The following UGT1A8 variants were observed in gnomAD, a reference collection of about 807,000 sequenced individuals.
The protein encoded by UGT1A8 is UDP glucuronosyltransferase family 1 member A8, also known as UDP-glucuronosyltransferase 1A8.
In UGT1A8, 39 loss-of-function variants were observed where a neutral mutation model predicts 45.3. That is an observed-to-expected ratio of 0.86 (90% CI 0.67 to 1.12). UGT1A8 has a LOEUF of 1.12. Among genes scored for constraint, UGT1A8 ranks in the 50% most tolerant of loss-of-function variants. The pLI is 0.00. For synonymous variants in UGT1A8, 275 were observed against 249.2 expected, an observed-to-expected ratio of 1.10 and a Z score of -0.97; for missense variants, 719 against 664.9, an observed-to-expected ratio of 1.08 and a Z score of -0.90.
At chr2:233,658,438 A>T (rs1436421851) in intron 1 of UGT1A8, among the ~76,000 whole-genome samples, 1 of 152,118 alleles carries the variant, frequency 6.6e-6, no homozygotes, top group African/African-American at 2.4e-5. Context: ...TTTTTACCTA[A>T]TGTCCTTTTT....
At chr2:233,624,972 T>G (rs542762160) in intron 1 of UGT1A8, among the ~76,000 whole-genome samples, 2 of 152,112 alleles carry the variant, frequency 1.3e-5, no homozygotes, top group Non-Finnish European at 2.9e-5. Context: ...AATGTGGGAA[T>G]GAAGGGGACC....
At chr2:233,721,019 A>AAT (rs1377693832) in intron 1 of UGT1A8, among the ~76,000 whole-genome samples, 6 of 152,098 alleles carry the variant, frequency 3.9e-5, no homozygotes, top group Non-Finnish European at 8.8e-5. Context: ...TGAGGGAGCC[A>AAT]TCTTTCTTGT....
chr2:233,766,292 T>C (rs1426642271), intron 1 of UGT1A8, among the ~76,000 whole-genome samples: 2 of 147,940 alleles, frequency 1.4e-5, no homozygotes, highest in African/African-American at 5.0e-5. Context: ...CTCGGTGGCC[T>C]GGGCTCTCCT....
intron 1 of UGT1A8, among the ~76,000 whole-genome samples, chr2:233,764,720 G>A (rs1488683607): frequency 6.6e-6 from 1 of 152,208 alleles, no homozygotes; most frequent in African/African-American, 2.4e-5. Flanking sequence ...CCCCAAGAAA[G>A]AGGGAGAGAA....
intron 1 of UGT1A8, 98 bp from the exon 2 acceptor site, chr2:233,766,936 A>G: frequency 1.1e-5 from 18 of 1,586,086 alleles, no homozygotes; most frequent in Non-Finnish European, 1.5e-5. Context: ...GCCTTTAATC[A>G]TAGTCTTAAG....
chr2:233,690,317 C>T (rs956358462), intron 1 of UGT1A8, among the ~76,000 whole-genome samples: 2 of 152,128 alleles, frequency 1.3e-5, no homozygotes, highest in Non-Finnish European at 2.9e-5. Context: ...ACTTATGGGT[C>T]GTAGGTCATA....
chr2:233,677,023 A>G (rs970318591), intron 1 of UGT1A8, among the ~76,000 whole-genome samples: 7 of 151,644 alleles, frequency 4.6e-5, no homozygotes, highest in African/African-American at 1.7e-4. Context: ...TGCTTTTGCT[A>G]TTGGAGGTCT....
chr2:233,747,488 T>C lies in UGT1A8; in HGVS notation c.856-19546T>C. 5.0e-6 allele frequency: 8 copies of C among 1,608,972 alleles called. No homozygotes were observed. In the South Asian group the frequency reaches 8.8e-5, roughly 18 times the overall value. On this transcript the variant is annotated intron_variant, in intron 1 of 4. Coordinates refer to ENST00000373450, the MANE Select transcript of UGT1A8 (RefSeq NM_019076.5). Reference sequence around the variant, plus strand: ...GGACCCAGGATGAATTTGATCGCCTTGTGCTGGGCCACACTCAACTGTACT... The same window carrying C: ...GGACCCAGGATGAATTTGATCGCCTCGTGCTGGGCCACACTCAACTGTACT...
At chr2:233,701,272 C>G (rs2075620073) in intron 1 of UGT1A8, among the ~76,000 whole-genome samples, 2 of 152,054 alleles carry the variant, frequency 1.3e-5, no homozygotes, top group Admixed American at 1.3e-4. Flanking sequence ...ATTTCTAGTT[C>G]TAGATCCTTG....
chr2:233,666,164 C>G (rs1009755387), intron 1 of UGT1A8, among the ~76,000 whole-genome samples: 1 of 152,134 alleles, frequency 6.6e-6, no homozygotes, highest in Non-Finnish European at 1.5e-5. Flanking sequence ...AAAAAGGAGG[C>G]AGGTGCCAGG....
At chr2:233,631,338 C>G (rs1293044348) in intron 1 of UGT1A8, among the ~76,000 whole-genome samples, 1 of 151,964 alleles carries the variant, frequency 6.6e-6, no homozygotes, top group South Asian at 2.1e-4. Context: ...ATTTATAATC[C>G]TTTGGGTATA....
intron 1 of UGT1A8, among the ~76,000 whole-genome samples, chr2:233,681,074 G>C (rs952494823): frequency 1.3e-5 from 2 of 151,768 alleles, no homozygotes; most frequent in African/African-American, 4.8e-5. Flanking sequence ...TGTCACAATT[G>C]TGGCTCACCT....
In UGT1A8 at chr2:233,772,306, G is replaced by A. The variant is rs200370335; in HGVS notation, c.1340G>A (p.Arg447His). The change falls in exon 5 of 5, where the codon CGC (arginine) becomes CAC (histidine). Residue 447 changes from arginine (R) to histidine (H), a missense_variant. By Grantham distance (29) the Arg-to-His change is conservative. Coordinates refer to ENST00000373450, the MANE Select transcript of UGT1A8 (RefSeq NM_019076.5). ...CGCCTCTCCAGCCTTCACAAGGACC[G>A]CCCGGTGGAGCCGCTGGACCTGGCC... ...IMRLSSLHKD[R>H]PVEPLDLAVF... 2.7e-5 allele frequency: 44 copies of A among 1,614,208 alleles called. No individual in the cohort carries two copies. Among genetic ancestry groups the A allele is most frequent in the Middle Eastern group, 3.3e-4 (2 of 6,062 alleles).
chr2:233,761,889 C>G (rs2125994271), intron 1 of UGT1A8, among the ~76,000 whole-genome samples: 1 of 152,322 alleles, frequency 6.6e-6, no homozygotes, highest in Middle Eastern at 3.4e-3. Context: ...TTCACTTATC[C>G]TGCAAAGATT....
chr2:233,760,416 GCTTGGGGC>G, intron 1 of UGT1A8: 1 of 1,614,218 alleles, frequency 6.2e-7, no homozygotes, highest in Non-Finnish European at 8.5e-7. Flanking sequence ...GGCTGAGCAT[GCTTGGGGC>G]CATCCAGCAG....
chr2:233,666,299 C>T (rs994210972), intron 1 of UGT1A8, among the ~76,000 whole-genome samples: 3 of 152,224 alleles, frequency 2.0e-5, no homozygotes, highest in Non-Finnish European at 4.4e-5. Flanking sequence ...CCACTTTCAA[C>T]ATTAGAGATC....
intron 1 of UGT1A8, chr2:233,693,100 C>T: frequency 6.2e-7 from 1 of 1,614,118 alleles, no homozygotes; most frequent in Non-Finnish European, 8.5e-7. Flanking sequence ...TGCTGGTGGT[C>T]CCTCAGGACG....
chr2:233,693,565 C>T (rs145551470), intron 1 of UGT1A8: 249 of 1,614,094 alleles, frequency 1.5e-4, no homozygotes, highest in Non-Finnish European at 2.0e-4. Flanking sequence ...GAAGCCCAGA[C>T]CCTGTGTCCT....
chr2:233,688,693 C>T (rs898066571), intron 1 of UGT1A8, among the ~76,000 whole-genome samples: 3 of 152,096 alleles, frequency 2.0e-5, no homozygotes, highest in Non-Finnish European at 2.9e-5. Flanking sequence ...TAATATTAAA[C>T]GTCCTTCATT....
Sources: allele counts gnomAD v4.1 joint callset (sites outside exome capture counted in the v4.1 genomes callset), GRCh38; gene constraint gnomAD v4.1.1; transcripts MANE v1.5; gene names NCBI Gene and HGNC (gene_info 2026-07-23, HGNC 2026-07-21).